The following PLEKHH1 variants were observed in gnomAD, a reference collection of about 807,000 sequenced individuals.
PLEKHH1 encodes the protein pleckstrin homology domain-containing family H member 1.
A neutral mutation model predicts 160.0 loss-of-function variants in PLEKHH1; 104 were observed. The ratio of observed to expected loss-of-function variants is 0.65; its 90% CI spans 0.55 to 0.76. The LOEUF (loss-of-function observed/expected upper bound fraction) is 0.76, where lower values mean the gene tolerates loss of function less well. Among genes scored for constraint, PLEKHH1 ranks in the 30% least tolerant of loss-of-function variants. The probability of loss-of-function intolerance (pLI) is 0.00; values close to 1 mark genes in which losing one functional copy is unlikely to be tolerated. For synonymous variants in PLEKHH1, 619 were observed against 678.4 expected (o/e 0.91, Z 1.36); for missense variants, 1,427 against 1,724.1 (o/e 0.83, Z 3.05).
At position 67,555,332 on chromosome 14, in the gene PLEKHH1, C is replaced by T. The variant is rs182451950; in HGVS notation, c.127-493C>T. Among the ~76,000 whole-genome samples, 57 of 152,304 alleles carry T rather than the reference C, an allele frequency of 3.7e-4. No individual in the cohort carries two copies. The East Asian group carries it at 9.7e-3, about 26-fold the overall frequency. On this transcript the variant is annotated intron_variant, in intron 2 of 28. Transcript: ENST00000329153. ...CTGAAGCCCTTACAGGCAGAGGTGC[C>T]CTCGACTGTGGGTGAGGAGGTATTC...
At position 67,587,258 on chromosome 14, in the gene PLEKHH1, CA is replaced by C; in HGVS notation, c.*25del. The C allele has an allele frequency of 1.2e-6, 2 of 1,612,964 alleles. No individual in the cohort carries two copies. Among genetic ancestry groups the C allele is most frequent in the South Asian group, 2.2e-5 (2 of 91,038 alleles). On this transcript the variant is annotated 3_prime_UTR_variant, in exon 29 of 29. Coordinates refer to ENST00000329153, the MANE Select transcript of PLEKHH1 (RefSeq NM_020715.3). ...TGAATATTTCTCCTACCCGATTCCC[CA>C]ACACCACTAGTGCCTCTGGATTTAG...
chr14:67,579,828 C>T lies in PLEKHH1; in HGVS notation c.3135C>T (p.Asp1045=), dbSNP rs987704024. ...PSHSGFALFT[D]DPSGRDLEHC... is the part of the protein sequence containing the mutation. ...ACTCTGGCTTTGCCCTCTTCACGGA[C>T]GATCCCTCGGGCAGGGACCTGGAGC... The change falls in exon 22 of 29, where the codon GAC becomes GAT. Residue 1045 remains aspartate (D), a synonymous_variant. Coordinates refer to ENST00000329153, the MANE Select transcript of PLEKHH1 (RefSeq NM_020715.3). 11 of 1,608,462 alleles carry T rather than the reference C, an allele frequency of 6.8e-6. No homozygotes were observed. The highest frequency in any genetic ancestry group is 2.7e-5 in the African/African-American group (2 of 74,844).
At chr14:67,557,463 T>C in intron 4 of PLEKHH1, 45 bp downstream of exon 4, 1 of 1,582,552 alleles carries the variant, frequency 6.3e-7, no homozygotes. Flanking sequence ...CTTCGACATC[T>C]GTACTGCTGG....
intron 1 of PLEKHH1, among the ~76,000 whole-genome samples, chr14:67,540,891 C>G (rs1887047684): frequency 6.6e-6 from 1 of 152,154 alleles, no homozygotes; most frequent in Admixed American, 6.5e-5. Flanking sequence ...ATCCTGCATC[C>G]AGTGTTTTTT....
At chr14:67,553,722 T>C (rs994574084) in intron 2 of PLEKHH1, among the ~76,000 whole-genome samples, 1 of 152,256 alleles carries the variant, frequency 6.6e-6, no homozygotes, top group African/African-American at 2.4e-5. Flanking sequence ...TATTGATTTA[T>C]GCTGTGCTGT....
rs1594804181 is a variant in PLEKHH1, at chr14:67,589,248, A to G, written c.*2013A>G. Reference sequence around the variant, plus strand: ...TTTCCCCCACCCTCTCTCCTCCCCAACCCTTCAGGAACCCTTTAGTTTATT... The same window carrying G: ...TTTCCCCCACCCTCTCTCCTCCCCAGCCCTTCAGGAACCCTTTAGTTTATT... On this transcript the variant is annotated 3_prime_UTR_variant, in exon 29 of 29. Transcript: ENST00000329153. 1.5e-6 allele frequency: 1 copy of G among 686,860 alleles called. No individual in the cohort carries two copies. The highest frequency in any genetic ancestry group is 1.8e-6 in the Non-Finnish European group (1 of 557,158). The allele number at this position is 686,860 out of a possible 1,614,324, so 42.5% of individuals were successfully genotyped here. A position where few individuals can be genotyped will look rare whatever the true frequency, so the allele number is the denominator to read the frequency against.
intron 2 of PLEKHH1, among the ~76,000 whole-genome samples, chr14:67,548,215 T>A (rs1366382333): frequency 6.6e-6 from 1 of 152,236 alleles, no homozygotes; most frequent in Non-Finnish European, 1.5e-5. Context: ...TTCCTTGGAC[T>A]TTTTCATTCT....
chr14:67,543,277 A>G (rs963873551), intron 2 of PLEKHH1, among the ~76,000 whole-genome samples: 2 of 152,236 alleles, frequency 1.3e-5, no homozygotes, highest in Non-Finnish European at 2.9e-5. Context: ...AGGACAAATC[A>G]GTGGCATCAC....
intron 3 of PLEKHH1, 103 bp from the exon 4 acceptor site, chr14:67,557,166 G>A (rs2034627825): frequency 2.2e-6 from 2 of 893,856 alleles, no homozygotes; most frequent in South Asian, 1.7e-5. Context: ...GTGCCTGGGA[G>A]TCACAGCCTG....
rs2035761089 is a variant in PLEKHH1 at position 67,578,983 on chromosome 14, A to G, written c.2850-151A>G. On this transcript the variant is annotated intron_variant, in intron 20 of 28. Transcript: ENST00000329153. This position sits in a 1 kb window ranked among gnomAD's most constrained non-coding sequence, Gnocchi z 5.0. Reference sequence around the variant, plus strand: ...TGCTATATAAAGGTCCTGAATGACAAATTAATGTCCCAGACCAGAGTCTTC... The same window carrying G: ...TGCTATATAAAGGTCCTGAATGACAGATTAATGTCCCAGACCAGAGTCTTC... 1.6e-6 allele frequency: 1 copy of G among 643,070 alleles called. No individual in the cohort carries two copies. The highest frequency in any genetic ancestry group is 2.9e-5 in the Admixed American group (1 of 34,694). 39.8% of individuals were successfully genotyped at this position (643,070 alleles called of 1,614,324 possible).
chr14:67,568,099 A>G (rs1004267077), intron 7 of PLEKHH1, among the ~76,000 whole-genome samples: 38 of 152,190 alleles, frequency 2.5e-4, no homozygotes, highest in African/African-American at 8.4e-4. Context: ...CCTAGCCATG[A>G]TATGACATTA....
In PLEKHH1 at chr14:67,582,848, AAAAC is replaced by A. The variant is rs763742912; in HGVS notation, c.3426+654_3426+657del. 1.4e-4 allele frequency among the ~76,000 whole-genome samples: 21 copies of A among 152,234 alleles called. No individual in the cohort carries two copies. Among genetic ancestry groups the A allele is most frequent in the East Asian group, 5.8e-4 (3 of 5,182 alleles). ...GCAAAACTCTGTCTCAAAACAAAAC[AAAAC>A]AAACAAACAAACAAAAACCTCTGCC... On this transcript the variant is annotated intron_variant, in intron 24 of 28. Transcript: ENST00000329153. The surrounding 1 kb of genome is among the most constrained non-coding windows in gnomAD (Gnocchi z 5.0).
At chr14:67,542,574 G>C (rs1389749489) in intron 2 of PLEKHH1, among the ~76,000 whole-genome samples, 2 of 152,248 alleles carry the variant, frequency 1.3e-5, no homozygotes, top group Non-Finnish European at 2.9e-5. Context: ...TCCTGACATA[G>C]AATAGGTCTT....
At chr14:67,586,934 G>C (rs1190734041) in intron 28 of PLEKHH1, 140 bp from the exon 29 acceptor site, 1 of 1,542,898 alleles carries the variant, frequency 6.5e-7, no homozygotes, top group Non-Finnish European at 8.7e-7. Context: ...GATTCCCTTT[G>C]GATATTTTCT....
chr14:67,575,678 G>A (rs1377226637), intron 15 of PLEKHH1, 145 bp from the exon 16 acceptor site: 1 of 725,274 alleles, frequency 1.4e-6, no homozygotes, highest in Admixed American at 2.3e-5. Context: ...TGCCAGCCTG[G>A]CTGGGATGCT....
rs759963084 is a variant in PLEKHH1 at position 67,559,625 on chromosome 14, G to A, written c.357G>A (p.Glu119=). 3.1e-6 allele frequency: 5 copies of A among 1,599,838 alleles called. No individual in the cohort carries two copies. Among genetic ancestry groups the A allele is most frequent in the Middle Eastern group, 1.7e-4 (1 of 6,042 alleles). The change falls in exon 5 of 29, where the codon GAG becomes GAA. Residue 119 remains glutamate (E), a synonymous_variant. Transcript: ENST00000329153. Reference sequence around the variant, plus strand: ...TCTTGCAGAAGCAGATGAGGGCAGAGGAAGCAAAAACTGTTCAAGAAAAAG... The same window carrying A: ...TCTTGCAGAAGCAGATGAGGGCAGAAGAAGCAAAAACTGTTCAAGAAAAAG... ...QLEKQKQMRA[E]EAKTVQEKAA...
intron 17 of PLEKHH1, among the ~76,000 whole-genome samples, 172 bp from the exon 18 acceptor site, chr14:67,577,130 G>T (rs2035655503): frequency 6.6e-6 from 1 of 152,166 alleles, no homozygotes; most frequent in Admixed American, 6.5e-5. Context: ...GGTGCTCATT[G>T]CAGTGCCCAC....
In PLEKHH1 at chr14:67,589,500, G is replaced by A; in HGVS notation, c.*2265G>A. On this transcript the variant is annotated 3_prime_UTR_variant, in exon 29 of 29. Coordinates refer to ENST00000329153, the MANE Select transcript of PLEKHH1 (RefSeq NM_020715.3). Reference sequence around the variant, plus strand: ...ACCATGACTGAAATACTATGATCTTGTTTGTCAATAAAAAGCAGCTATCTG... The same window carrying A: ...ACCATGACTGAAATACTATGATCTTATTTGTCAATAAAAAGCAGCTATCTG... 1.0e-6 allele frequency: 1 copy of A among 984,946 alleles called. No homozygotes were observed. Among genetic ancestry groups the A allele is most frequent in the Non-Finnish European group, 1.2e-6 (1 of 829,510 alleles). The allele number at this position is 984,946 out of a possible 1,614,324, so 61.0% of individuals were successfully genotyped here.
rs1224380640 is a variant in PLEKHH1, at chr14:67,589,290, A to C, written c.*2055A>C. On this transcript the variant is annotated 3_prime_UTR_variant, in exon 29 of 29. Coordinates refer to ENST00000329153, the MANE Select transcript of PLEKHH1 (RefSeq NM_020715.3). ...TAGTTTATTAATCTTATACAGAAGA[A>C]ACTAACTTAGAAACAAAGGATTCAA... The C allele has an allele frequency of 1.1e-6, 1 of 947,200 alleles. No individual in the cohort carries two copies. Among genetic ancestry groups the C allele is most frequent in the East Asian group, 1.2e-4 (1 of 8,664 alleles). The allele number at this position is 947,200 out of a possible 1,614,324, so 58.7% of individuals were successfully genotyped here. A position where few individuals can be genotyped will look rare whatever the true frequency, so the allele number is the denominator to read the frequency against.
Sources: gnomAD v4.1 joint callset for allele counts (sites outside exome capture counted in the v4.1 genomes callset) on GRCh38, gnomAD v4.1.1 for gene constraint, Gnocchi (gnomAD v3.1) non-coding constraint, MANE v1.5 for transcripts, NCBI Gene and HGNC (gene_info 2026-07-23, HGNC 2026-07-21) for gene names.